The following SLC35F1 variants were observed in gnomAD, a reference collection of about 807,000 sequenced individuals.
SLC35F1 encodes the protein chromosome 6 open reading frame 169.
A neutral mutation model predicts 48.7 loss-of-function variants in SLC35F1; 14 were observed. The observed-to-expected ratio is 0.29, with a 90% CI of 0.19 to 0.45. The LOEUF is 0.45. Among genes scored for constraint, SLC35F1 ranks in the 20% least tolerant of loss-of-function variants. The pLI, the probability that SLC35F1 is intolerant of heterozygous loss-of-function variation, is 1.00. For synonymous variants in SLC35F1, 190 were observed against 202.2 expected (o/e 0.94, Z 0.51); for missense variants, 404 against 500.0 (o/e 0.81, Z 1.83).
chr6:118,222,928 C>T lies in SLC35F1; in HGVS notation c.350-12581C>T, dbSNP rs575339199. On this transcript the variant is annotated intron_variant, in intron 2 of 7. Coordinates refer to ENST00000360388, the MANE Select transcript of SLC35F1 (RefSeq NM_001029858.4). Reference sequence around the variant, plus strand: ...TATTACATTTCCTGACCCAGATCTGCAATCAGCCACTTCTCCAAAGACTAT... The same window carrying T: ...TATTACATTTCCTGACCCAGATCTGTAATCAGCCACTTCTCCAAAGACTAT... 3.9e-5 allele frequency among the ~76,000 whole-genome samples: 6 copies of T among 152,224 alleles called. No individual in the cohort carries two copies. In the South Asian group the frequency reaches 1.2e-3, roughly 32 times the overall value.
chr6:118,139,620 T>C (rs1360965346), intron 1 of SLC35F1, among the ~76,000 whole-genome samples: 1 of 152,184 alleles, frequency 6.6e-6, no homozygotes, highest in African/African-American at 2.4e-5. Flanking sequence ...TTGGTGGCCA[T>C]GAATCAGATT....
intron 1 of SLC35F1, among the ~76,000 whole-genome samples, chr6:117,924,756 A>G (rs1358430778): frequency 6.6e-6 from 1 of 152,084 alleles, no homozygotes; most frequent in Non-Finnish European, 1.5e-5. Context: ...AACTTGCTTT[A>G]TAATAGTATC....
chr6:118,021,727 T>C (rs1183131200), intron 1 of SLC35F1, among the ~76,000 whole-genome samples: 2 of 152,208 alleles, frequency 1.3e-5, no homozygotes, highest in African/African-American at 4.8e-5. Flanking sequence ...AACAATTTTA[T>C]TGGCGCATGA....
chr6:118,275,373 A>G (rs1775907356), intron 4 of SLC35F1, 86 bp from the exon 5 acceptor site: 1 of 1,401,638 alleles, frequency 7.1e-7, no homozygotes, highest in Non-Finnish European at 9.7e-7. Context: ...AGAATAGGCA[A>G]GGGAAGCTCA....
chr6:118,221,975 G>GTT (rs59313229), intron 2 of SLC35F1, among the ~76,000 whole-genome samples: 17 of 152,064 alleles, frequency 1.1e-4, no homozygotes, highest in East Asian at 3.9e-4. Context: ...TTTTTTTATA[G>GTT]TTTTTTTGGG....
At chr6:118,269,324 T>C (rs1339855840) in intron 4 of SLC35F1, among the ~76,000 whole-genome samples, 1 of 152,230 alleles carries the variant, frequency 6.6e-6, no homozygotes, top group Admixed American at 6.5e-5. Context: ...CACAGCATCA[T>C]TGCTTTTGTG....
At position 118,315,739 on chromosome 6, in the gene SLC35F1, G is replaced by C. The variant is rs283048; in HGVS notation, c.*1487G>C. 6.6e-6 allele frequency: 1 copy of C among 152,144 alleles called. No homozygotes were observed. The highest frequency in any genetic ancestry group is 1.5e-5 in the Non-Finnish European group (1 of 68,064). 9.4% of individuals were successfully genotyped at this position (152,144 alleles called of 1,614,324 possible). On this transcript the variant is annotated 3_prime_UTR_variant, in exon 8 of 8. Transcript: ENST00000360388. ...CAGGCGTGAGCCACTGCGCCCGGCC[G>C]ACACGACATTCTTATGGACCCAGAG...
chr6:118,257,929 AT>A (rs1775666470), intron 3 of SLC35F1, among the ~76,000 whole-genome samples: 1 of 152,138 alleles, frequency 6.6e-6, no homozygotes, highest in African/African-American at 2.4e-5. Context: ...TTTCCTTGTC[AT>A]TTTCATCCAT....
At chr6:117,928,656 C>T (rs760494360) in intron 1 of SLC35F1, among the ~76,000 whole-genome samples, 9 of 152,120 alleles carry the variant, frequency 5.9e-5, no homozygotes, top group Non-Finnish European at 1.2e-4. Context: ...CTAGTTTGCT[C>T]TATGTTCATA....
intron 1 of SLC35F1, among the ~76,000 whole-genome samples, chr6:118,093,012 G>A (rs965039060): frequency 2.6e-5 from 4 of 152,158 alleles, no homozygotes; most frequent in African/African-American, 9.7e-5. Context: ...GGAAAGGCAT[G>A]ATTGTGTTTT....
At chr6:118,248,852 A>G (rs1775538680) in intron 3 of SLC35F1, among the ~76,000 whole-genome samples, 1 of 152,216 alleles carries the variant, frequency 6.6e-6, no homozygotes. Context: ...AAATTCATGT[A>G]TTGAAATCCT....
intron 1 of SLC35F1, among the ~76,000 whole-genome samples, chr6:118,140,730 T>G (rs117103170): frequency 0.034 from 5,129 of 152,152 alleles, 114 homozygotes; most frequent in Non-Finnish European, 0.051. Flanking sequence ...GACCTTCCAG[T>G]GGGACAAGAT....
Position 118,107,565 on chromosome 6 carries a change from G to A in SLC35F1, c.174-46880G>A, listed in dbSNP as rs1046748948. ...TGAACACTTAGCCTGTTGATATTGG[G>A]TATTTTTCCCTGGGACAATATTTTA... On this transcript the variant is annotated intron_variant, in intron 1 of 7. Transcript: ENST00000360388. Among the ~76,000 whole-genome samples the A allele has an allele frequency of 2.0e-5, 3 of 152,070 alleles. No homozygotes were observed. The East Asian group carries it at 5.8e-4, about 29-fold the overall frequency.
intron 3 of SLC35F1, 27 bp from the exon 4 acceptor site, chr6:118,266,968 G>A (rs756728847): frequency 1.9e-6 from 3 of 1,611,388 alleles, no homozygotes; most frequent in South Asian, 2.2e-5. Context: ...ATCTCCTGTT[G>A]TTGTTTACCT....
At chr6:118,050,383 A>AC (rs1446342785) in intron 1 of SLC35F1, among the ~76,000 whole-genome samples, 5 of 151,624 alleles carry the variant, frequency 3.3e-5, no homozygotes, top group African/African-American at 7.3e-5. Flanking sequence ...AAATTTCAAA[A>AC]AAAAAAAAGG....
At chr6:118,120,297 G>GTA (rs1773536158) in intron 1 of SLC35F1, among the ~76,000 whole-genome samples, 2 of 152,182 alleles carry the variant, frequency 1.3e-5, no homozygotes, top group Non-Finnish European at 2.9e-5. Flanking sequence ...ACTTTTGCAT[G>GTA]AATACCATGT....
At chr6:118,112,805 C>CA (rs1332211752) in intron 1 of SLC35F1, among the ~76,000 whole-genome samples, 1 of 151,760 alleles carries the variant, frequency 6.6e-6, no homozygotes, top group Non-Finnish European at 1.5e-5. Context: ...GGAAGACAAC[C>CA]AAAAAACAAC....
chr6:118,226,396 A>G (rs1372829425), intron 2 of SLC35F1, among the ~76,000 whole-genome samples: 1 of 152,288 alleles, frequency 6.6e-6, no homozygotes, highest in Admixed American at 6.5e-5. Flanking sequence ...TATATCAAAG[A>G]GTTATCTGCG....
intron 1 of SLC35F1, among the ~76,000 whole-genome samples, chr6:118,010,623 T>A (rs1777231091): frequency 6.6e-6 from 1 of 152,226 alleles, no homozygotes; most frequent in African/African-American, 2.4e-5. Context: ...CTGGTTCTGT[T>A]AGGCACAGTC....
Sources: gnomAD v4.1 joint callset for allele counts (sites outside exome capture counted in the v4.1 genomes callset) on GRCh38, gnomAD v4.1.1 for gene constraint, MANE v1.5 for transcripts, NCBI Gene and HGNC (gene_info 2026-07-23, HGNC 2026-07-21) for gene names.